Variants in PTPRD observed in about 807,000 individuals in gnomAD.
PTPRD encodes protein tyrosine phosphatase receptor type D.
PTPRD carries 34 observed loss-of-function variants against 214.5 expected under a neutral mutation model. That is an observed-to-expected ratio of 0.16 (90% CI 0.12 to 0.21). The LOEUF (loss-of-function observed/expected upper bound fraction) is 0.21, where lower values mean the gene tolerates loss of function less well. Ranked by LOEUF, PTPRD falls within the 10% of genes least tolerant of loss-of-function variation. The pLI is 1.00. For missense variants in PTPRD, 2,545 were observed against 2,398.7 expected (o/e 1.06, Z -1.27); for synonymous variants, 1,128 against 845.7 (o/e 1.33, Z -5.79).
Position 10,469,790 on chromosome 9 carries a change from G to T in PTPRD, c.-599-128773C>A, listed in dbSNP as rs535026251. 2.0e-5 allele frequency among the ~76,000 whole-genome samples: 3 copies of T among 152,172 alleles called. No homozygotes were observed. The South Asian group carries it at 6.2e-4, about 32-fold the overall frequency. On this transcript the variant is annotated intron_variant, in intron 2 of 45. Coordinates refer to ENST00000381196, the MANE Select transcript of PTPRD (RefSeq NM_002839.4). ...CCATGAATGAATGGATAAAGAAAAT[G>T]TCATATGTATACATAATGGAATATT...
At chr9:10,496,576 T>A (rs1168635703) in intron 2 of PTPRD, among the ~76,000 whole-genome samples, 1 of 151,650 alleles carries the variant, frequency 6.6e-6, no homozygotes, top group Non-Finnish European at 1.5e-5. Flanking sequence ...CCACCAACAG[T>A]GTATTAGCCT....
At chr9:10,396,509 T>C (rs1385909626) in intron 2 of PTPRD, among the ~76,000 whole-genome samples, 2 of 152,028 alleles carry the variant, frequency 1.3e-5, no homozygotes, top group South Asian at 2.1e-4. Flanking sequence ...AGTTCTATTC[T>C]TCTGTCAATT....
intron 12 of PTPRD, among the ~76,000 whole-genome samples, chr9:8,722,123 CTGTGTGTGTGTGTGTGTGTGTGTG>C (rs34720946): frequency 2.6e-4 from 39 of 147,472 alleles, no homozygotes; most frequent in Middle Eastern, 3.5e-3. Context: ...AAGTATTACT[CTGTGTGTGTGTGTGTGTGTGTGTG>C]TGTGTGTGTG....
chr9:10,191,693 C>G (rs1212961659), intron 3 of PTPRD, among the ~76,000 whole-genome samples: 1 of 152,110 alleles, frequency 6.6e-6, no homozygotes, highest in Non-Finnish European at 1.5e-5. Flanking sequence ...CCTCTCGTTC[C>G]ACTTCCTCTG....
At chr9:8,570,180 T>G (rs940300981) in intron 14 of PTPRD, among the ~76,000 whole-genome samples, 1 of 151,910 alleles carries the variant, frequency 6.6e-6, no homozygotes, top group Non-Finnish European at 1.5e-5. Context: ...TTCATTATAT[T>G]AAATAGGGAG....
At chr9:10,350,144 A>G (rs1486075400) in intron 2 of PTPRD, among the ~76,000 whole-genome samples, 7 of 149,062 alleles carry the variant, frequency 4.7e-5, no homozygotes, top group Non-Finnish European at 9.1e-5. Flanking sequence ...CAGAGTATAC[A>G]TGTTTTTTTT....
chr9:8,789,445 T>C (rs539461798), intron 11 of PTPRD, among the ~76,000 whole-genome samples: 1 of 152,332 alleles, frequency 6.6e-6, no homozygotes, highest in East Asian at 1.9e-4. Context: ...GAAAAATGTA[T>C]GAATTGATGT....
chr9:9,343,548 A>T (rs562084047), intron 9 of PTPRD, among the ~76,000 whole-genome samples: 22 of 152,270 alleles, frequency 1.4e-4, no homozygotes, highest in African/African-American at 5.3e-4. Context: ...ACTTTTCTCC[A>T]AATGAGGTTT....
intron 5 of PTPRD, among the ~76,000 whole-genome samples, chr9:9,877,353 G>A (rs1049647160): frequency 2.0e-5 from 3 of 152,130 alleles, no homozygotes; most frequent in Non-Finnish European, 4.4e-5. Flanking sequence ...GGGAGGATAA[G>A]GGAGGAAGAT....
chr9:9,646,308 TGTGTGTGTGG>T (rs1321371886), intron 7 of PTPRD, among the ~76,000 whole-genome samples: 1 of 145,354 alleles, frequency 6.9e-6, no homozygotes, highest in African/African-American at 2.6e-5. Context: ...GAGGGGTGTG[TGTGTGTGTGG>T]GTGTGTGTGT....
At chr9:9,739,415 T>C (rs930064152) in intron 6 of PTPRD, among the ~76,000 whole-genome samples, 19 of 152,208 alleles carry the variant, frequency 1.2e-4, no homozygotes, top group Non-Finnish European at 2.6e-4. Flanking sequence ...ACTTAGAGTG[T>C]CTTTTTCTTG....
chr9:10,346,270 A>G (rs762186517), intron 2 of PTPRD, among the ~76,000 whole-genome samples: 14 of 152,164 alleles, frequency 9.2e-5, no homozygotes, highest in Non-Finnish European at 1.5e-4. Flanking sequence ...AAAGCAAAAT[A>G]TATGTCTTAT....
At chr9:10,524,885 G>C in intron 2 of PTPRD, among the ~76,000 whole-genome samples, 1 of 151,156 alleles carries the variant, frequency 6.6e-6, no homozygotes, top group Non-Finnish European at 1.5e-5. Context: ...AATTTAAAAA[G>C]ATAGGGGTAA....
At chr9:8,322,171 C>T (rs1038902522) in intron 44 of PTPRD, among the ~76,000 whole-genome samples, 1 of 151,968 alleles carries the variant, frequency 6.6e-6, no homozygotes, top group East Asian at 2.0e-4. Flanking sequence ...CCTCAGGCCT[C>T]CCTATTCCTT....
At chr9:9,207,167 A>C (rs903614368) in intron 9 of PTPRD, among the ~76,000 whole-genome samples, 1 of 152,174 alleles carries the variant, frequency 6.6e-6, no homozygotes, top group Admixed American at 6.5e-5. Context: ...AAAAACCTAG[A>C]ATGATGGACT....
At chr9:8,331,110 G>A (rs959045073) in intron 44 of PTPRD, among the ~76,000 whole-genome samples, 3 of 151,966 alleles carry the variant, frequency 2.0e-5, no homozygotes, top group African/African-American at 7.3e-5. Flanking sequence ...CAATTTTCAA[G>A]CAAATTGCAT....
chr9:9,716,764 G>A (rs1386002307), intron 7 of PTPRD, among the ~76,000 whole-genome samples: 1 of 152,012 alleles, frequency 6.6e-6, no homozygotes, highest in Non-Finnish European at 1.5e-5. Context: ...TTTGTCAGAT[G>A]AGTAGGTTGC....
At chr9:9,968,629 G>C (rs1408532933) in intron 4 of PTPRD, among the ~76,000 whole-genome samples, 2 of 152,054 alleles carry the variant, frequency 1.3e-5, no homozygotes, top group Non-Finnish European at 2.9e-5. Context: ...GGAAGGGTAG[G>C]CTTCCTGATC....
intron 11 of PTPRD, among the ~76,000 whole-genome samples, chr9:8,790,219 T>G (rs1233506058): frequency 6.6e-6 from 1 of 152,082 alleles, no homozygotes; most frequent in Non-Finnish European, 1.5e-5. Flanking sequence ...TCTCACTACG[T>G]TGCCCAGACT....
Sources: gnomAD v4.1 joint callset for allele counts (sites outside exome capture counted in the v4.1 genomes callset) on GRCh38, gnomAD v4.1.1 for gene constraint, MANE v1.5 for transcripts, NCBI Gene and HGNC (gene_info 2026-07-23, HGNC 2026-07-21) for gene names.